Variants in GOLGA4 observed in about 807,000 individuals in gnomAD.
GOLGA4 encodes golgin A4.
Under a neutral mutation model 265.9 loss-of-function variants are expected in GOLGA4, and 169 were observed. The observed-to-expected ratio is 0.64, with a 90% CI of 0.56 to 0.72. GOLGA4 has a LOEUF of 0.72. Ranked by LOEUF, GOLGA4 falls within the 30% of genes least tolerant of loss-of-function variation. GOLGA4 has a pLI of 0.00. For missense variants in GOLGA4, 2,482 were observed against 2,483.4 expected (o/e 1.00, Z 0.01); for synonymous variants, 923 against 855.8 (o/e 1.08, Z -1.37).
At chr3:37,308,641 A>T (rs2096914022) in intron 10 of GOLGA4, among the ~76,000 whole-genome samples, 1 of 151,502 alleles carries the variant, frequency 6.6e-6, no homozygotes. Context: ...TTTGAGACAG[A>T]GTCTCACTCT....
At position 37,326,320 on chromosome 3, in the gene GOLGA4, T is replaced by TGAGCAGATAAATTTATTGAAGGAA; in HGVS notation, c.4439_4462dup (p.Gln1480_Glu1487dup). ...AATCAAAGGAAGCTTATGAAAAGGA[T>TGAGCAGATAAATTTATTGAAGGAA]GAGCAGATAAATTTATTGAAGGAAG... On this transcript the variant is annotated inframe_insertion, in exon 14 of 24. Coordinates refer to ENST00000361924, the MANE Select transcript of GOLGA4 (RefSeq NM_002078.5). 3 of 1,611,888 alleles carry TGAGCAGATAAATTTATTGAAGGAA rather than the reference T, an allele frequency of 1.9e-6. No individual in the cohort carries two copies. The highest frequency in any genetic ancestry group is 2.5e-6 in the Non-Finnish European group (3 of 1,179,022).
chr3:37,343,418 G>T (rs1396077017), intron 20 of GOLGA4, among the ~76,000 whole-genome samples: 1 of 152,050 alleles, frequency 6.6e-6, no homozygotes, highest in East Asian at 1.9e-4. Context: ...ACCGTGCCCA[G>T]CCTGGCCAGG....
chr3:37,281,863 G>C (rs1465801186), intron 2 of GOLGA4, 95 bp from the exon 3 acceptor site: 1 of 867,628 alleles, frequency 1.2e-6, no homozygotes, highest in Non-Finnish European at 1.8e-6. Flanking sequence ...AATTCAACTT[G>C]TTAGAACTTT....
chr3:37,280,087 G>C (rs928045547), intron 2 of GOLGA4, among the ~76,000 whole-genome samples: 3 of 152,082 alleles, frequency 2.0e-5, no homozygotes, highest in African/African-American at 7.2e-5. Flanking sequence ...GCTTACCATT[G>C]TTTGTTGTTG....
intron 12 of GOLGA4, chr3:37,320,323 A>G (rs924271086): frequency 3.9e-5 from 6 of 152,220 alleles, no homozygotes; most frequent in Non-Finnish European, 7.3e-5. Flanking sequence ...GTAAGATAAT[A>G]TGTGTAACTC....
chr3:37,300,235 TG>T (rs985685542), intron 9 of GOLGA4, among the ~76,000 whole-genome samples: 7 of 152,288 alleles, frequency 4.6e-5, no homozygotes, highest in Middle Eastern at 3.4e-3. Context: ...AGAAAATTCA[TG>T]GGTAAACAGT....
chr3:37,311,669 C>G lies in GOLGA4; in HGVS notation c.1235-3751C>G, dbSNP rs574199007. Among the ~76,000 whole-genome samples, 23 of 152,206 alleles carry G rather than the reference C, an allele frequency of 1.5e-4. No individual in the cohort carries two copies. In the South Asian group the frequency reaches 4.8e-3, roughly 32 times the overall value. On this transcript the variant is annotated intron_variant, in intron 10 of 23. Coordinates refer to ENST00000361924, the MANE Select transcript of GOLGA4 (RefSeq NM_002078.5). ...TTTCTAGGTGTGAAATTATTTGGTT[C>G]CCTGACATGGTACTGGAAAGTGGGA...
In GOLGA4 at chr3:37,327,149, G is replaced by A; in HGVS notation, c.5263G>A (p.Val1755Ile). The A allele has an allele frequency of 1.2e-6, 2 of 1,613,792 alleles. No homozygotes were observed. Among genetic ancestry groups the A allele is most frequent in the Non-Finnish European group, 1.7e-6 (2 of 1,179,812 alleles). ...TGAAAAAGAAAAGCTATTGCAGAGG[G>A]TAGGGCAGGAAAAAGAAGAGACAGT... ...LTEKEKLLQRVGQEKEETVSS... is the reference protein window; with the variant it reads ...LTEKEKLLQRIGQEKEETVSS... The change falls in exon 14 of 24, where the codon GTA becomes ATA. Residue 1755 changes from valine to isoleucine, a missense_variant. By Grantham distance (29) the Val-to-Ile change is conservative (BLOSUM62 3). Around this residue, in one of 3 missense-constraint regions of GOLGA4, gnomAD observed 942 missense variants for 983.1 expected, o/e 0.96. Transcript: ENST00000361924.
intron 1 of GOLGA4, among the ~76,000 whole-genome samples, chr3:37,247,666 G>A (rs1181480443): frequency 6.6e-6 from 1 of 152,174 alleles, no homozygotes; most frequent in Non-Finnish European, 1.5e-5. Flanking sequence ...TGGCATGACT[G>A]GGTTCTCTGC....
intron 2 of GOLGA4, among the ~76,000 whole-genome samples, chr3:37,272,615 A>G (rs2096801814): frequency 6.6e-6 from 1 of 152,156 alleles, no homozygotes; most frequent in Non-Finnish European, 1.5e-5. Flanking sequence ...CCATCAAACT[A>G]CTTAATCAAT....
chr3:37,305,586 C>G (rs978803947), intron 10 of GOLGA4, among the ~76,000 whole-genome samples: 1 of 152,122 alleles, frequency 6.6e-6, no homozygotes, highest in African/African-American at 2.4e-5. Flanking sequence ...AATAGTCTGG[C>G]TATTGGAAAA....
chr3:37,333,146 C>T (rs2096996766), intron 16 of GOLGA4, among the ~76,000 whole-genome samples: 1 of 152,214 alleles, frequency 6.6e-6, no homozygotes, highest in Non-Finnish European at 1.5e-5. Flanking sequence ...AAGTTGGAGA[C>T]TCACAAGTAG....
chr3:37,305,040 T>C (rs2096902455), intron 10 of GOLGA4, among the ~76,000 whole-genome samples: 1 of 152,114 alleles, frequency 6.6e-6, no homozygotes. Context: ...TGCCTCAGGC[T>C]CCTGAGTAGC....
At position 37,328,472 on chromosome 3, in the gene GOLGA4, G is replaced by A; in HGVS notation, c.5996G>A (p.Arg1999Lys). The change falls in exon 15 of 24, where the codon AGG becomes AAG. Residue 1999 changes from arginine to lysine, a missense_variant. This residue lies in a region of GOLGA4 where 942 missense variants were observed against 983.1 expected (regional missense o/e 0.96). Coordinates refer to ENST00000361924, the MANE Select transcript of GOLGA4 (RefSeq NM_002078.5). ...AATTCCACATTAAAACAGCTGATGA[G>A]GGAGTTTAATACACAGCTGGCACAA... ...KHNSTLKQLM[R>K]EFNTQLAQKE... 3 of 1,612,190 alleles carry A rather than the reference G, an allele frequency of 1.9e-6. No homozygotes were observed. The highest frequency in any genetic ancestry group is 1.7e-4 in the Middle Eastern group (1 of 6,056).
chr3:37,355,730 T>C (rs1326926723), intron 22 of GOLGA4, among the ~76,000 whole-genome samples: 1 of 152,134 alleles, frequency 6.6e-6, no homozygotes, highest in African/African-American at 2.4e-5. Flanking sequence ...ACACACACTT[T>C]GTAAATTATA....
intron 1 of GOLGA4, among the ~76,000 whole-genome samples, chr3:37,250,828 A>C (rs1560268179): frequency 6.6e-6 from 1 of 152,136 alleles, no homozygotes; most frequent in Non-Finnish European, 1.5e-5. Flanking sequence ...TACAGAGCTA[A>C]ATGGAATAGC....
At chr3:37,327,881 C>CT (rs971117069) in intron 14 of GOLGA4, 56 bp downstream of exon 14, 8 of 1,359,502 alleles carry the variant, frequency 5.9e-6, no homozygotes, top group South Asian at 2.8e-5. Flanking sequence ...ATTAAGTCTC[C>CT]TTTTTTTGTG....
chr3:37,305,105 G>T (rs1381766319), intron 10 of GOLGA4, among the ~76,000 whole-genome samples: 1 of 152,026 alleles, frequency 6.6e-6, no homozygotes, highest in Non-Finnish European at 1.5e-5. Context: ...TTTTAATAGA[G>T]ACCGGGTTTC....
intron 1 of GOLGA4, among the ~76,000 whole-genome samples, chr3:37,246,994 C>G (rs534393088): frequency 2.0e-5 from 3 of 152,174 alleles, no homozygotes; most frequent in African/African-American, 7.2e-5. Context: ...AGGGACATAG[C>G]CTTATTGTAA....
Sources: allele counts gnomAD v4.1 joint callset (sites outside exome capture counted in the v4.1 genomes callset), GRCh38; gene constraint gnomAD v4.1.1; regional missense constraint gnomAD v4.1.1; transcripts MANE v1.5; gene names NCBI Gene and HGNC (gene_info 2026-07-23, HGNC 2026-07-21).